The following BOD1L1 variants were observed in gnomAD, a reference collection of about 807,000 sequenced individuals.
BOD1L1 encodes biorientation of chromosomes in cell division 1 like 1, also known as biorientation of chromosomes in cell division protein 1-like 1.
In BOD1L1, 86 loss-of-function variants were observed where a neutral mutation model predicts 240.7. The ratio of observed to expected loss-of-function variants is 0.36; its 90% CI spans 0.30 to 0.43. The LOEUF is 0.43. Ranked by LOEUF, BOD1L1 falls within the 20% of genes least tolerant of loss-of-function variation. The pLI, the probability that BOD1L1 is intolerant of heterozygous loss-of-function variation, is 1.00. For missense variants in BOD1L1, 3,554 were observed against 3,643.5 expected (o/e 0.98, Z 0.63); for synonymous variants, 1,268 against 1,272.3 (o/e 1.00, Z 0.07).
At chr4:13,585,417 C>G (rs1031284427) in intron 17 of BOD1L1, among the ~76,000 whole-genome samples, 2 of 150,560 alleles carry the variant, frequency 1.3e-5, no homozygotes, top group African/African-American at 4.9e-5. Context: ...CTAGTTTAGA[C>G]AGATAATGAG....
intron 1 of BOD1L1, among the ~76,000 whole-genome samples, 165 bp downstream of exon 1, chr4:13,627,180 C>G (rs1292908622): frequency 6.6e-6 from 1 of 152,208 alleles, no homozygotes; most frequent in Non-Finnish European, 1.5e-5. Context: ...TACTTAAACA[C>G]TAGTCGGTAA....
chr4:13,609,209 T>C (rs1377507833), intron 7 of BOD1L1, 86 bp downstream of exon 7: 1 of 685,778 alleles, frequency 1.5e-6, no homozygotes, highest in Non-Finnish European at 2.1e-6. Context: ...TTATTTTATA[T>C]TCATGTCTCA....
At position 13,581,034 on chromosome 4, in the gene BOD1L1, T is replaced by A. The variant is rs751400291; in HGVS notation, c.8689A>T (p.Thr2897Ser). 1.4e-5 allele frequency: 22 copies of A among 1,574,464 alleles called. No individual in the cohort carries two copies. Among genetic ancestry groups the A allele is most frequent in the Non-Finnish European group, 1.6e-5 (18 of 1,159,256 alleles). Residue 2897 changes from threonine to serine, a missense_variant, in exon 21 of 26, where the codon ACT becomes TCT. Around this residue, in one of 2 missense-constraint regions of BOD1L1, gnomAD observed 3,393 missense variants for 3,427.1 expected, o/e 0.99. Transcript: ENST00000040738. Reference sequence around the variant, plus strand: ...CAATTACTTACAGTGACAATGCCAGTATCTGTTTTGGAGTCGTCTTCTAAA... The same window carrying A: ...CAATTACTTACAGTGACAATGCCAGAATCTGTTTTGGAGTCGTCTTCTAAA... The part of the protein sequence containing the change: ...LKMKDDSKTD[T>S]GIVTVEQSPS...
intron 2 of BOD1L1, among the ~76,000 whole-genome samples, chr4:13,618,385 C>G (rs1049516545): frequency 6.6e-6 from 1 of 152,234 alleles, no homozygotes; most frequent in African/African-American, 2.4e-5. Flanking sequence ...GTGCTCTACC[C>G]TACCTCCACT....
At position 13,600,801 on chromosome 4, in the gene BOD1L1, G is replaced by A. The variant is rs748413077; in HGVS notation, c.6099C>T (p.Asp2033=). 1.2e-6 allele frequency: 2 copies of A among 1,613,880 alleles called. No homozygotes were observed. Among genetic ancestry groups the A allele is most frequent in the South Asian group, 1.1e-5 (1 of 91,034 alleles). Residue 2033 remains aspartate (D), a synonymous_variant, in exon 10 of 26, where the codon GAC becomes GAT. Coordinates refer to ENST00000040738, the MANE Select transcript of BOD1L1 (RefSeq NM_148894.3). ...HTSPSEKEDE[D]IITSVENEEC... ...CTTCATTTTCTACAGAGGTGATGATGTCCTCATCTTCTTTTTCACTTGGTG... is the reference window on the plus strand; with the variant it reads ...CTTCATTTTCTACAGAGGTGATGATATCCTCATCTTCTTTTTCACTTGGTG...
At chr4:13,618,617 T>C (rs1226123748) in intron 2 of BOD1L1, among the ~76,000 whole-genome samples, 1 of 152,248 alleles carries the variant, frequency 6.6e-6, no homozygotes, top group African/African-American at 2.4e-5. Context: ...TCCTTTAAAA[T>C]GTAGACAACA....
chr4:13,587,874 A>G (rs1577326868), intron 15 of BOD1L1, 103 bp from the exon 16 acceptor site: 1 of 775,292 alleles, frequency 1.3e-6, no homozygotes, highest in East Asian at 2.8e-5. Context: ...ATAAGTTGAT[A>G]TATAAATTTT....
intron 3 of BOD1L1, among the ~76,000 whole-genome samples, 189 bp from the exon 4 acceptor site, chr4:13,614,999 A>AT (rs1411734741): frequency 6.6e-6 from 1 of 152,138 alleles, no homozygotes; most frequent in Non-Finnish European, 1.5e-5. Context: ...TCTCTAATAT[A>AT]TTATCTTAGC....
At chr4:13,586,325 G>A (rs1713682476) in intron 17 of BOD1L1, 71 bp downstream of exon 17, 4 of 783,278 alleles carry the variant, frequency 5.1e-6, no homozygotes, top group Non-Finnish European at 8.5e-6. Context: ...ATTATACTAA[G>A]TATTTACAAT....
At position 13,577,604 on chromosome 4, in the gene BOD1L1, A is replaced by T; in HGVS notation, c.8777T>A (p.Leu2926Gln). Residue 2926 changes from leucine to glutamine, a missense_variant, in exon 23 of 26, where the codon CTA (leucine) becomes CAA (glutamine). Around this residue, in one of 2 missense-constraint regions of BOD1L1, gnomAD observed 3,393 missense variants for 3,427.1 expected, o/e 0.99. Transcript: ENST00000040738. ...TACATTGCTTATACTTCTTTCTTGT[A>T]GGTTAGCTGTTTCTTTATTGGATTC... Reference protein sequence around the residue: ...TDESNKETANLQERSISNDDG... With the variant: ...TDESNKETANQQERSISNDDG... 1 of 1,564,840 alleles carries T rather than the reference A, an allele frequency of 6.4e-7. No individual in the cohort carries two copies. Among genetic ancestry groups the T allele is most frequent in the Non-Finnish European group, 8.7e-7 (1 of 1,149,280 alleles).
Position 13,611,058 on chromosome 4 carries a change from C to T in BOD1L1, c.1367G>A (p.Ser456Asn), listed in dbSNP as rs781081562. The T allele has an allele frequency of 6.2e-7, 1 of 1,610,980 alleles. No individual in the cohort carries two copies. The highest frequency in any genetic ancestry group is 1.7e-4 in the Middle Eastern group (1 of 6,050). Reference sequence around the variant, plus strand: ...TTTTGTTTTTCCTTCACTAGAATCACTAGTTTGAGTTTTTGTTTTATTCTG... The same window carrying T: ...TTTTGTTTTTCCTTCACTAGAATCATTAGTTTGAGTTTTTGTTTTATTCTG... The part of the protein sequence containing the change: ...NKQNKTKTQT[S>N]DSSEGKTKSV... The change falls in exon 6 of 26, where the codon AGT becomes AAT. Residue 456 changes from serine (S) to asparagine (N), a missense_variant. Physicochemically the swap from Ser to Asn is conservative, Grantham distance 46 (BLOSUM62 1). This residue lies in a region of BOD1L1 where 3,393 missense variants were observed against 3,427.1 expected (regional missense o/e 0.99). Transcript: ENST00000040738.
In BOD1L1 at chr4:13,601,088, C is replaced by A; in HGVS notation, c.5812G>T (p.Glu1938Ter). 1 of 1,613,966 alleles carries A rather than the reference C, an allele frequency of 6.2e-7. No homozygotes were observed. Among genetic ancestry groups the A allele is most frequent in the Non-Finnish European group, 8.5e-7 (1 of 1,179,896 alleles). Residue 1938 changes from glutamate to a stop codon, truncating the protein, a stop_gained, in exon 10 of 26, where the codon GAG (glutamate) becomes TAG (stop). Transcript: ENST00000040738. LOFTEE classifies it high-confidence loss of function. ...ENNVDSMSGT[E>*]KGSKDTDICS... ...ATATCTGTGTCTTTACTTCCTTTCTCTGTGCCACTCATGCTGTCAACATTA... is the reference window on the plus strand; with the variant it reads ...ATATCTGTGTCTTTACTTCCTTTCTATGTGCCACTCATGCTGTCAACATTA...
chr4:13,596,252 C>T (rs1322914945), intron 11 of BOD1L1, among the ~76,000 whole-genome samples: 1 of 152,150 alleles, frequency 6.6e-6, no homozygotes, highest in Non-Finnish European at 1.5e-5. Flanking sequence ...CAAGTCTCAT[C>T]ACAGCTCACC....
At chr4:13,573,461 TA>T (rs1162550558) in intron 25 of BOD1L1, among the ~76,000 whole-genome samples, 33 of 128,686 alleles carry the variant, frequency 2.6e-4, no homozygotes, top group African/African-American at 8.8e-4. Context: ...TCTATCTATC[TA>T]TCTATCTATC....
intron 10 of BOD1L1, 43 bp downstream of exon 10, chr4:13,598,903 T>C (rs1254886837): frequency 3.2e-6 from 5 of 1,544,918 alleles, no homozygotes; most frequent in East Asian, 2.3e-5. Flanking sequence ...TGTACAATCA[T>C]CCTTGTAAAT....
chr4:13,596,073 C>A, intron 11 of BOD1L1, 129 bp from the exon 12 acceptor site: 2 of 712,482 alleles, frequency 2.8e-6, no homozygotes, highest in African/African-American at 1.8e-5. Context: ...CAAGAGTACA[C>A]AAAACTTAAA....
rs1433331050 is a variant in BOD1L1, at chr4:13,576,999, A to T, written c.8885-8T>A. The T allele has an allele frequency of 1.2e-5, 19 of 1,613,298 alleles. No homozygotes were observed. The highest frequency in any genetic ancestry group is 1.6e-5 in the Non-Finnish European group (19 of 1,179,598). The stretch of plus-strand genomic sequence containing the variant: ...TTTCTGGCTCTGAGGATTCTGTTCA[A>T]ATAGAAGGGTAACACCTGGATTTTA... On this transcript the variant is annotated splice_polypyrimidine_tract_variant and splice_region_variant and intron_variant, in intron 24 of 25. Coordinates refer to ENST00000040738, the MANE Select transcript of BOD1L1 (RefSeq NM_148894.3).
rs1715978499 is a variant in BOD1L1, at chr4:13,609,352, C to T, written c.1546G>A (p.Glu516Lys). 2 of 1,557,928 alleles carry T rather than the reference C, an allele frequency of 1.3e-6. No homozygotes were observed. The highest frequency in any genetic ancestry group is 1.7e-6 in the Non-Finnish European group (2 of 1,153,886). The change falls in exon 7 of 26, where the codon GAA (glutamate) becomes AAA (lysine). Residue 516 changes from glutamate (E) to lysine (K), a missense_variant. This residue lies in a region of BOD1L1 where 3,393 missense variants were observed against 3,427.1 expected (regional missense o/e 0.99). Transcript: ENST00000040738. ...LRRQINREKL[E>K]EKRKQKAEKT... ...TCTGCTTTCTGTTTTCGTTTTTCTT[C>T]AAGTTTTTCTCTATTGATTTGCCTT... is the stretch of plus-strand genomic sequence containing the variant.
intron 2 of BOD1L1, among the ~76,000 whole-genome samples, chr4:13,619,039 G>T (rs1231628590): frequency 6.6e-6 from 1 of 152,034 alleles, no homozygotes; most frequent in Non-Finnish European, 1.5e-5. Context: ...AGAACAAGTA[G>T]TGGCCAGGTG....
Sources: gnomAD v4.1 joint callset for allele counts (sites outside exome capture counted in the v4.1 genomes callset) on GRCh38, gnomAD v4.1.1 for gene constraint, gnomAD v4.1.1 regional missense constraint, MANE v1.5 for transcripts, NCBI Gene and HGNC (gene_info 2026-07-23, HGNC 2026-07-21) for gene names.